PIEZO2: variants seen among roughly 807,000 people sequenced by gnomAD.
The protein encoded by PIEZO2 is piezo-type mechanosensitive ion channel component 2.
PIEZO2 carries 172 observed loss-of-function variants against 337.3 expected under a neutral mutation model. The ratio of observed to expected loss-of-function variants is 0.51; its 90% confidence interval spans 0.45 to 0.58. The LOEUF is 0.58. PIEZO2 is among the 20% of genes least tolerant of loss of function. PIEZO2 has a pLI of 0.00. For missense variants in PIEZO2, 3,028 were observed against 3,391.3 expected (o/e 0.89, Z 2.66); for synonymous variants, 1,251 against 1,228.5 (o/e 1.02, Z -0.38).
intron 2 of PIEZO2, among the ~76,000 whole-genome samples, chr18:11,058,020 C>T (rs573900310): frequency 6.6e-6 from 1 of 152,102 alleles, no homozygotes; most frequent in Non-Finnish European, 1.5e-5. Flanking sequence ...AGTGGATAGC[C>T]CTGGTCTACA....
At chr18:10,788,418 AAAAGAAAG>A (rs1217104785) in intron 15 of PIEZO2, among the ~76,000 whole-genome samples, 1 of 132,920 alleles carries the variant, frequency 7.5e-6, no homozygotes, top group East Asian at 2.1e-4. Context: ...CAAAAAAAAA[AAAAGAAAG>A]AAAGGAAGGA....
intron 2 of PIEZO2, among the ~76,000 whole-genome samples, chr18:11,059,726 A>G (rs9675773): frequency 0.65 from 98,874 of 152,000 alleles, 32,831 homozygotes; most frequent in East Asian, 0.97. Flanking sequence ...ATATATATGC[A>G]CCCAATACAG....
In PIEZO2 at chr18:11,140,136, CA is replaced by C. The variant is rs1188102482; in HGVS notation, c.64+8388del. 2.0e-5 allele frequency among the ~76,000 whole-genome samples: 3 copies of C among 152,176 alleles called. No individual in the cohort carries two copies. In the East Asian group the frequency reaches 5.8e-4, roughly 29 times the overall value. On this transcript the variant is annotated intron_variant, in intron 1 of 55. Transcript: ENST00000674853. ...TCTGACCTGCAGAGAAGAGCAGCCC[CA>C]GAGCTCTTCATGGACACCTGAGGCT...
intron 2 of PIEZO2, among the ~76,000 whole-genome samples, chr18:10,991,391 C>T (rs1172780232): frequency 1.3e-5 from 2 of 149,246 alleles, no homozygotes; most frequent in African/African-American, 2.5e-5. Flanking sequence ...GCCCCCCACC[C>T]CCCGACAGGC....
Position 10,977,677 on chromosome 18 carries a change from CAT to C in PIEZO2, c.286+1856_286+1857del, listed in dbSNP as rs113125288. Among the ~76,000 whole-genome samples the C allele has an allele frequency of 3.9e-3, 598 of 152,232 alleles. 6 individuals carry two copies. The highest frequency in any genetic ancestry group is 0.013 in the African/African-American group (533 of 41,526). On this transcript the variant is annotated intron_variant, in intron 3 of 55. Coordinates refer to ENST00000674853, the MANE Select transcript of PIEZO2 (RefSeq NM_001378183.1). ...CATCAAGATTTTAATAATGGGATAACATGTGGTTTTTAATCAAACATTAAAAT... is the reference window on the plus strand; with the variant it reads ...CATCAAGATTTTAATAATGGGATAACGTGGTTTTTAATCAAACATTAAAAT...
At chr18:10,702,207 C>A in intron 42 of PIEZO2, 36 bp from the exon 43 acceptor site, 2 of 1,515,106 alleles carry the variant, frequency 1.3e-6, no homozygotes. Flanking sequence ...AAACATTACT[C>A]CTTTTAGGAA....
chr18:10,814,403 A>C (rs2040299507), intron 7 of PIEZO2, among the ~76,000 whole-genome samples: 1 of 152,188 alleles, frequency 6.6e-6, no homozygotes, highest in African/African-American at 2.4e-5. Context: ...GGGACAAATA[A>C]TTTTCTAGAG....
intron 1 of PIEZO2, among the ~76,000 whole-genome samples, chr18:11,119,423 C>T (rs769157025): frequency 2.0e-5 from 3 of 152,172 alleles, no homozygotes; most frequent in Admixed American, 1.3e-4. Flanking sequence ...TAGGCGTGAG[C>T]CACCGCGCCC....
chr18:11,100,562 A>T (rs540597889), intron 1 of PIEZO2, among the ~76,000 whole-genome samples: 2 of 152,012 alleles, frequency 1.3e-5, no homozygotes, highest in East Asian at 3.9e-4. Context: ...ATGATGCTCC[A>T]TTTGATTCAT....
Position 11,149,493 on chromosome 18 carries a change from A to C in PIEZO2, c.-905T>G, listed in dbSNP as rs1470810455. On this transcript the variant is annotated 5_prime_UTR_variant, in exon 1 of 56. Coordinates refer to ENST00000674853, the MANE Select transcript of PIEZO2 (RefSeq NM_001378183.1). This position sits in a 1 kb window ranked among gnomAD's most constrained non-coding sequence, Gnocchi z 8.7. ...CGCCGTCCCGTCGCCCAGCGCGACC[A>C]CCGCCTGCCGCCTTGCAGCCTCGCC... 6.6e-6 allele frequency among the ~76,000 whole-genome samples: 1 copy of C among 151,694 alleles called. No individual in the cohort carries two copies. Among genetic ancestry groups the C allele is most frequent in the Admixed American group, 6.6e-5 (1 of 15,260 alleles).
chr18:10,832,413 A>G (rs1200658993), intron 7 of PIEZO2, among the ~76,000 whole-genome samples: 5 of 152,220 alleles, frequency 3.3e-5, no homozygotes, highest in Admixed American at 3.3e-4. Flanking sequence ...AGGCTCACAT[A>G]GAGCATCTGC....
chr18:10,760,888 A>G (rs552534572), intron 24 of PIEZO2, 23 bp downstream of exon 24: 518 of 1,497,826 alleles, frequency 3.5e-4, no homozygotes, highest in Non-Finnish European at 4.3e-4. Flanking sequence ...AGAGAAATAA[A>G]ACATATCAGC....
intron 30 of PIEZO2, among the ~76,000 whole-genome samples, chr18:10,747,473 A>T (rs2037469364): frequency 6.6e-6 from 1 of 152,342 alleles, no homozygotes; most frequent in East Asian, 1.9e-4. Flanking sequence ...TACTATTGGA[A>T]TGAAACATTG....
At chr18:10,801,272 T>C in intron 10 of PIEZO2, 118 bp downstream of exon 10, 2 of 854,630 alleles carry the variant, frequency 2.3e-6, no homozygotes. Context: ...TGCCCAAAAA[T>C]GGAAAAGCTT....
intron 4 of PIEZO2, among the ~76,000 whole-genome samples, chr18:10,909,715 G>T (rs1568188727): frequency 6.6e-6 from 1 of 152,172 alleles, no homozygotes; most frequent in Non-Finnish European, 1.5e-5. Flanking sequence ...CTATTTTTGT[G>T]TATGTTTTAG....
intron 36 of PIEZO2, among the ~76,000 whole-genome samples, chr18:10,720,413 GTGTATGTATATATATATATATA>G (rs1567983931): frequency 0.026 from 936 of 36,676 alleles, 86 homozygotes; most frequent in Non-Finnish European, 0.031. Flanking sequence ...GTATGTGTAT[GTGTATGTATATATATATATATA>G]TATATATATA....
At chr18:10,800,300 G>T in intron 11 of PIEZO2, 37 bp downstream of exon 11, 1 of 1,507,340 alleles carries the variant, frequency 6.6e-7, no homozygotes, top group South Asian at 1.3e-5. Flanking sequence ...TCTAAATGAG[G>T]AAGAAATGCG....
chr18:11,034,670 C>T (rs2036861444), intron 2 of PIEZO2, among the ~76,000 whole-genome samples: 1 of 152,154 alleles, frequency 6.6e-6, no homozygotes, highest in Admixed American at 6.5e-5. Flanking sequence ...AAAACAAACA[C>T]GTAGGGTTTT....
In PIEZO2 at chr18:10,821,228, T is replaced by G. The variant is rs1319320206; in HGVS notation, c.918-13954A>C. On this transcript the variant is annotated intron_variant, in intron 7 of 55. Coordinates refer to ENST00000674853, the MANE Select transcript of PIEZO2 (RefSeq NM_001378183.1). This position sits in a 1 kb window ranked among gnomAD's most constrained non-coding sequence, Gnocchi z 4.2. Reference sequence around the variant, plus strand: ...ATAATGTACAGTAAATTCCTCCAGGTAGAAAGCTGGAAAAATCCTTTAGCC... The same window carrying G: ...ATAATGTACAGTAAATTCCTCCAGGGAGAAAGCTGGAAAAATCCTTTAGCC... 6.6e-6 allele frequency among the ~76,000 whole-genome samples: 1 copy of G among 152,148 alleles called. No homozygotes were observed. Among genetic ancestry groups the G allele is most frequent in the Admixed American group, 6.6e-5 (1 of 15,262 alleles).
Sources: gnomAD v4.1 joint callset for allele counts (sites outside exome capture counted in the v4.1 genomes callset) on GRCh38, gnomAD v4.1.1 for gene constraint, Gnocchi (gnomAD v3.1) non-coding constraint, MANE v1.5 for transcripts, NCBI Gene and HGNC (gene_info 2026-07-23, HGNC 2026-07-21) for gene names.